Variants in ADAMTSL1 observed in about 807,000 individuals in gnomAD.
ADAMTSL1 encodes the protein ADAMTS like 1, also known as ADAMTS-like protein 1.
In ADAMTSL1, 126 loss-of-function variants were observed where a neutral mutation model predicts 201.8. The observed-to-expected ratio is 0.62, with a 90% CI of 0.54 to 0.72. The LOEUF (loss-of-function observed/expected upper bound fraction) is 0.72, where lower values mean the gene tolerates loss of function less well. ADAMTSL1 is among the 30% of genes least tolerant of loss of function. The probability of loss-of-function intolerance (pLI) is 0.00; values close to 1 mark genes in which losing one functional copy is unlikely to be tolerated. For missense variants in ADAMTSL1, 2,679 were observed against 2,277.8 expected (o/e 1.18, Z -3.59); for synonymous variants, 1,121 against 903.4 (o/e 1.24, Z -4.32).
chr9:18,303,329 C>T (rs991054044), intron 2 of ADAMTSL1, among the ~76,000 whole-genome samples: 5 of 152,166 alleles, frequency 3.3e-5, no homozygotes, highest in Admixed American at 2.6e-4. Flanking sequence ...TTTGATCCTC[C>T]CAGGAGGCAG....
At chr9:18,844,447 T>TG (rs773754632) in intron 23 of ADAMTSL1, among the ~76,000 whole-genome samples, 2 of 152,126 alleles carry the variant, frequency 1.3e-5, no homozygotes, top group African/African-American at 4.8e-5. Context: ...CTGCCCCTAC[T>TG]GGGGGGTGCC....
chr9:17,994,745 T>C (rs1819304010), intron 1 of ADAMTSL1, among the ~76,000 whole-genome samples: 1 of 152,198 alleles, frequency 6.6e-6, no homozygotes, highest in Admixed American at 6.6e-5. Context: ...ATCCTGATTT[T>C]CCATGTTCCT....
At chr9:18,571,902 G>C (rs911687280) in intron 3 of ADAMTSL1, among the ~76,000 whole-genome samples, 3 of 152,184 alleles carry the variant, frequency 2.0e-5, no homozygotes, top group African/African-American at 7.2e-5. Flanking sequence ...AACATTTAAA[G>C]TTGTTTGTGG....
chr9:18,432,902 C>G (rs1819559886), intron 2 of ADAMTSL1, among the ~76,000 whole-genome samples: 4 of 152,138 alleles, frequency 2.6e-5, no homozygotes, highest in Non-Finnish European at 5.9e-5. Flanking sequence ...CCTTTGTTAC[C>G]AATCTTGCTT....
At chr9:17,941,402 G>T (rs977944477) in intron 1 of ADAMTSL1, among the ~76,000 whole-genome samples, 1 of 152,136 alleles carries the variant, frequency 6.6e-6, no homozygotes, top group South Asian at 2.1e-4. Flanking sequence ...TTTGAGCATT[G>T]ATCTGGTTTT....
At chr9:18,564,027 T>C (rs759329559) in intron 3 of ADAMTSL1, among the ~76,000 whole-genome samples, 3 of 152,160 alleles carry the variant, frequency 2.0e-5, no homozygotes, top group Non-Finnish European at 4.4e-5. Context: ...TGAATGTTTC[T>C]GTCATGCTGA....
intron 7 of ADAMTSL1, 114 bp downstream of exon 7, chr9:18,639,525 T>C: frequency 1.6e-6 from 2 of 1,266,374 alleles, no homozygotes; most frequent in East Asian, 4.9e-5. Context: ...AGCCCGTTTG[T>C]TACCCAGGAA....
At chr9:18,489,232 G>T (rs1822147071) in intron 1 of ADAMTSL1, among the ~76,000 whole-genome samples, 1 of 152,138 alleles carries the variant, frequency 6.6e-6, no homozygotes, top group Non-Finnish European at 1.5e-5. Flanking sequence ...TCTTATATTT[G>T]AAGATGCTTT....
chr9:17,988,170 C>T (rs769746121), intron 1 of ADAMTSL1, among the ~76,000 whole-genome samples: 5 of 151,988 alleles, frequency 3.3e-5, no homozygotes, highest in African/African-American at 7.2e-5. Context: ...GAGTAAGTGA[C>T]GCTTTATTGG....
chr9:18,190,631 C>G (rs777711550), intron 2 of ADAMTSL1, among the ~76,000 whole-genome samples: 13 of 152,092 alleles, frequency 8.5e-5, no homozygotes, highest in African/African-American at 1.2e-4. Flanking sequence ...AAATTTGAAC[C>G]CATTAAATAA....
intron 2 of ADAMTSL1, among the ~76,000 whole-genome samples, chr9:18,427,550 T>A (rs1819282036): frequency 6.6e-6 from 1 of 152,236 alleles, no homozygotes; most frequent in Admixed American, 6.5e-5. Context: ...TTTAATCATT[T>A]TCTGCAACTT....
chr9:18,601,728 G>A (rs1026561169), intron 4 of ADAMTSL1, among the ~76,000 whole-genome samples: 1 of 151,684 alleles, frequency 6.6e-6, no homozygotes, highest in South Asian at 2.1e-4. Flanking sequence ...ATAATGTATA[G>A]TATAATGTAG....
intron 21 of ADAMTSL1, 138 bp from the exon 22 acceptor site, chr9:18,826,146 T>A: frequency 1.0e-6 from 1 of 1,001,706 alleles, no homozygotes; most frequent in East Asian, 2.6e-5. Context: ...TTATTTAATC[T>A]GGCCAAAGCC....
intron 2 of ADAMTSL1, among the ~76,000 whole-genome samples, chr9:18,364,193 G>A (rs1836658578): frequency 6.6e-6 from 1 of 152,040 alleles, no homozygotes; most frequent in Non-Finnish European, 1.5e-5. Context: ...GGTCAGAGTG[G>A]AGACTCCTTC....
intron 21 of ADAMTSL1, among the ~76,000 whole-genome samples, chr9:18,823,208 C>G (rs1824321769): frequency 6.6e-6 from 1 of 152,112 alleles, no homozygotes; most frequent in Admixed American, 6.5e-5. Context: ...AGAGGTTTGC[C>G]AGTAGATTAA....
intron 2 of ADAMTSL1, among the ~76,000 whole-genome samples, chr9:18,252,664 G>T (rs1263185732): frequency 6.6e-6 from 1 of 151,816 alleles, no homozygotes; most frequent in East Asian, 1.9e-4. Flanking sequence ...TTGAGTCCAC[G>T]GATACAGAGC....
At chr9:18,713,670 G>C (rs2133373850) in intron 14 of ADAMTSL1, among the ~76,000 whole-genome samples, 1 of 150,440 alleles carries the variant, frequency 6.6e-6, no homozygotes, top group Admixed American at 6.6e-5. Context: ...ACACCCCACT[G>C]TCAACATTAG....
At chr9:18,256,895 A>G (rs755612364) in intron 2 of ADAMTSL1, among the ~76,000 whole-genome samples, 7 of 152,050 alleles carry the variant, frequency 4.6e-5, no homozygotes, top group South Asian at 4.2e-4. Flanking sequence ...AGAGTTTTAA[A>G]CCCCCACTGA....
chr9:18,697,864 T>G (rs534869447), intron 13 of ADAMTSL1, among the ~76,000 whole-genome samples: 2 of 152,280 alleles, frequency 1.3e-5, no homozygotes, highest in African/African-American at 4.8e-5. Flanking sequence ...TATGGACATT[T>G]TAAGTTGGAG....
Sources: allele counts gnomAD v4.1 joint callset (sites outside exome capture counted in the v4.1 genomes callset), GRCh38; gene constraint gnomAD v4.1.1; transcripts MANE v1.5; gene names NCBI Gene and HGNC (gene_info 2026-07-23, HGNC 2026-07-21).